The following BRWD1 variants were observed in gnomAD, a reference collection of about 807,000 sequenced individuals.
The protein encoded by BRWD1 is bromodomain and WD repeat-containing protein 1.
BRWD1 carries 82 observed loss-of-function variants against 251.2 expected under a neutral mutation model. That is an observed-to-expected ratio of 0.33 (90% confidence interval 0.27 to 0.39). The LOEUF (loss-of-function observed/expected upper bound fraction) is 0.39. BRWD1 is among the 10% of genes least tolerant of loss of function. The pLI, the probability that BRWD1 is intolerant of heterozygous loss-of-function variation, is 1.00. For synonymous variants in BRWD1, 918 were observed against 902.8 expected (o/e 1.02, Z -0.30); for missense variants, 2,233 against 2,711.6 (o/e 0.82, Z 3.92).
At chr21:39,273,704 G>C (rs952732420) in intron 13 of BRWD1, among the ~76,000 whole-genome samples, 1 of 152,102 alleles carries the variant, frequency 6.6e-6, no homozygotes, top group Admixed American at 6.5e-5. Context: ...AGTGAGTCAC[G>C]ATCATACCAC....
At chr21:39,225,968 T>A (rs1189717710) in intron 27 of BRWD1, among the ~76,000 whole-genome samples, 2 of 152,130 alleles carry the variant, frequency 1.3e-5, no homozygotes, top group Non-Finnish European at 2.9e-5. Flanking sequence ...TACAACTGAA[T>A]GTAATAATAA....
intron 7 of BRWD1, 75 bp from the exon 8 acceptor site, chr21:39,294,107 G>A: frequency 8.4e-7 from 1 of 1,192,412 alleles, no homozygotes; most frequent in South Asian, 1.4e-5. Flanking sequence ...CCTTTTATAT[G>A]CCATCCAAAT....
chr21:39,285,231 A>G (rs1240729975), intron 8 of BRWD1, among the ~76,000 whole-genome samples: 1 of 152,246 alleles, frequency 6.6e-6, no homozygotes, highest in Non-Finnish European at 1.5e-5. Flanking sequence ...AGGCACAGAA[A>G]GGCAAACACT....
At position 39,187,787 on chromosome 21, in the gene BRWD1, C is replaced by T. The variant is rs948984623; in HGVS notation, c.*8472G>A. On this transcript the variant is annotated 3_prime_UTR_variant, in exon 41 of 41. Coordinates refer to ENST00000342449, the MANE Select transcript of BRWD1 (RefSeq NM_033656.4). ...TTTTCTGACCTAGGTATGTGACACA[C>T]GAGATTCAGATTAAAATTCTAAAAA... 13 of 985,000 alleles carry T rather than the reference C, an allele frequency of 1.3e-5. No individual in the cohort carries two copies. The highest frequency in any genetic ancestry group is 1.7e-5 in the African/African-American group (1 of 57,146). 61.0% of individuals were successfully genotyped at this position (985,000 alleles called of 1,614,324 possible). A position where few individuals can be genotyped will look rare whatever the true frequency, so the allele number is the denominator to read the frequency against.
chr21:39,232,543 A>G (rs370940026), intron 23 of BRWD1, 45 bp from the exon 24 acceptor site: 6 of 1,561,888 alleles, frequency 3.8e-6, no homozygotes, highest in Non-Finnish European at 5.1e-6. Context: ...AGAAAGGGGC[A>G]GCATGCACTG....
chr21:39,249,643 T>C (rs1240854275), intron 20 of BRWD1, among the ~76,000 whole-genome samples: 2 of 152,200 alleles, frequency 1.3e-5, no homozygotes, highest in Non-Finnish European at 2.9e-5. Flanking sequence ...ATCTGTCTAA[T>C]GAGCACTGGT....
At position 39,247,764 on chromosome 21, in the gene BRWD1, A is replaced by T; in HGVS notation, c.2418T>A (p.Gly806=). 1 of 1,613,734 alleles carries T rather than the reference A, an allele frequency of 6.2e-7. No homozygotes were observed. The highest frequency in any genetic ancestry group is 1.3e-5 in the African/African-American group (1 of 75,024). ...RTCRRKYPNY[G]RRNRSWRELS... Reference sequence around the variant, plus strand: ...ACTCACGCCAGCTACGATTTCTTCTACCATAATTTGGATATTTACGCCTAC... The same window carrying T: ...ACTCACGCCAGCTACGATTTCTTCTTCCATAATTTGGATATTTACGCCTAC... Residue 806 remains glycine, a synonymous_variant, in exon 21 of 41, where the codon GGT becomes GGA. Coordinates refer to ENST00000342449, the MANE Select transcript of BRWD1 (RefSeq NM_033656.4).
chr21:39,313,147 C>A (rs755193387), intron 2 of BRWD1, 46 bp from the exon 3 acceptor site: 1 of 1,493,648 alleles, frequency 6.7e-7, no homozygotes, highest in South Asian at 1.3e-5. Context: ...GGGCCCGGGG[C>A]GCTCCCGTTT....
intron 8 of BRWD1, among the ~76,000 whole-genome samples, chr21:39,282,608 A>G (rs750357088): frequency 4.4e-4 from 67 of 152,330 alleles, no homozygotes; most frequent in South Asian, 8.3e-4. Context: ...TTGGACAAAA[A>G]AATTTTTTTT....
intron 29 of BRWD1, 59 bp from the exon 30 acceptor site, chr21:39,218,719 C>T (rs538717811): frequency 1.5e-5 from 21 of 1,358,790 alleles, no homozygotes; most frequent in Middle Eastern, 1.9e-4. Flanking sequence ...TAAATATATA[C>T]GGTATTAAAA....
chr21:39,213,399 A>T, intron 33 of BRWD1, 82 bp downstream of exon 33: 3 of 960,016 alleles, frequency 3.1e-6, no homozygotes, highest in Non-Finnish European at 4.8e-6. Flanking sequence ...AAGAGTTGGT[A>T]CTACAAAGCC....
At chr21:39,225,447 T>G (rs373622646) in intron 27 of BRWD1, among the ~76,000 whole-genome samples, 2 of 152,174 alleles carry the variant, frequency 1.3e-5, no homozygotes, top group African/African-American at 2.4e-5. Context: ...TAGATCTGTG[T>G]TTAACATTCA....
Position 39,190,287 on chromosome 21 carries a change from C to G in BRWD1, c.*5972G>C, listed in dbSNP as rs78604625. 6,896 of 984,484 alleles carry G rather than the reference C, an allele frequency of 7.0e-3. 24 individuals are homozygous for G. The highest frequency in any genetic ancestry group is 7.8e-3 in the Non-Finnish European group (6,464 of 829,254). The allele number at this position is 984,484 out of a possible 1,614,324, so 61.0% of individuals were successfully genotyped here. On this transcript the variant is annotated 3_prime_UTR_variant, in exon 41 of 41. Transcript: ENST00000342449. ...AGATTCTGCACAATATTTCATCATA[C>G]AAAACTGTTTTCCTAAATTCAAAGT... is the stretch of plus-strand genomic sequence containing the variant.
Position 39,188,015 on chromosome 21 carries a change from G to A in BRWD1, c.*8244C>T, listed in dbSNP as rs180715794. 3 of 979,960 alleles carry A rather than the reference G, an allele frequency of 3.1e-6. No individual in the cohort carries two copies. The highest frequency in any genetic ancestry group is 1.3e-4 in the Admixed American group (2 of 15,870). The allele number at this position is 979,960 out of a possible 1,614,324, so 60.7% of individuals were successfully genotyped here. ...CATGCAGACTAAGGCAGTTTTTAGA[G>A]GGGGCTTGAAATCACACTGGAGCTC... On this transcript the variant is annotated 3_prime_UTR_variant, in exon 41 of 41. Coordinates refer to ENST00000342449, the MANE Select transcript of BRWD1 (RefSeq NM_033656.4).
At chr21:39,272,593 G>A (rs905463610) in intron 13 of BRWD1, among the ~76,000 whole-genome samples, 60 of 148,306 alleles carry the variant, frequency 4.0e-4, no homozygotes, top group Non-Finnish European at 7.1e-4. Context: ...AAAGGCTTTT[G>A]AAGTAATAAC....
intron 17 of BRWD1, among the ~76,000 whole-genome samples, chr21:39,263,837 A>T (rs2034833467): frequency 6.6e-6 from 1 of 152,206 alleles, no homozygotes; most frequent in Non-Finnish European, 1.5e-5. Context: ...TTCAAAAACA[A>T]CATTACCAGT....
chr21:39,192,402 G>C lies in BRWD1; in HGVS notation c.*3857C>G, dbSNP rs2031598483. 2.0e-6 allele frequency: 2 copies of C among 985,068 alleles called. No individual in the cohort carries two copies. The highest frequency in any genetic ancestry group is 1.7e-5 in the African/African-American group (1 of 57,196). 61.0% of individuals were successfully genotyped at this position (985,068 alleles called of 1,614,324 possible). ...CTTCTCTTCCCAAATACTAGGATAA[G>C]AGACAGTCTCAAACTGTTAAGTTGC... On this transcript the variant is annotated 3_prime_UTR_variant, in exon 41 of 41. Coordinates refer to ENST00000342449, the MANE Select transcript of BRWD1 (RefSeq NM_033656.4).
chr21:39,267,513 G>A (rs1027240149), intron 15 of BRWD1, among the ~76,000 whole-genome samples: 4 of 152,102 alleles, frequency 2.6e-5, no homozygotes, highest in African/African-American at 9.7e-5. Context: ...GCGGGAGAAT[G>A]GCGTGAACCC....
intron 36 of BRWD1, among the ~76,000 whole-genome samples, chr21:39,209,025 A>G (rs77296213): frequency 0.015 from 2,305 of 152,132 alleles, 58 homozygotes; most frequent in African/African-American, 0.053. Context: ...ATAAAACACT[A>G]AAACTCCCTC....
Sources: allele counts gnomAD v4.1 joint callset (sites outside exome capture counted in the v4.1 genomes callset), GRCh38; gene constraint gnomAD v4.1.1; transcripts MANE v1.5; gene names NCBI Gene and HGNC (gene_info 2026-07-23, HGNC 2026-07-21).